The following ATP7B variants were observed in gnomAD, a reference collection of about 807,000 sequenced individuals.
The protein encoded by ATP7B is copper-transporting ATPase 2.
In ATP7B, 113 loss-of-function variants were observed where a neutral mutation model predicts 118.9. The observed-to-expected ratio is 0.95, with a 90% CI of 0.82 to 1.11. The LOEUF is 1.11. Ranked by LOEUF, ATP7B falls within the 50% of genes most tolerant of loss-of-function variation. ATP7B has a pLI of 0.00. For missense variants in ATP7B, 1,867 were observed against 1,871.4 expected (o/e 1.00, Z 0.04); for synonymous variants, 777 against 727.4 (o/e 1.07, Z -1.10).
At position 51,946,257 on chromosome 13, in the gene ATP7B, A is replaced by G. The variant is rs1314173616; in HGVS notation, c.3060+27T>C. ...ACAGATACTACTTTCATCTCTCAGG[A>G]TGGGGAAAGCCGTGCTACAGGCTGA... On this transcript the variant is annotated intron_variant, in intron 13 of 20. Transcript: ENST00000242839. The G allele has an allele frequency of 1.9e-6, 3 of 1,556,274 alleles. No homozygotes were observed. The East Asian group carries it at 7.2e-5, about 37-fold the overall frequency.
chr13:51,974,170 C>A lies in ATP7B; in HGVS notation c.1050G>T (p.Pro350=). 1 of 1,613,986 alleles carries A rather than the reference C, an allele frequency of 6.2e-7. No individual in the cohort carries two copies. The highest frequency in any genetic ancestry group is 1.1e-5 in the South Asian group (1 of 91,070). ...SSSSHSPGSP[P]RNQVQGTCST... is the part of the protein sequence containing the mutation. ...TGCATGTGCCCTGGACCTGGTTTCT[C>A]GGTGGGGAGCCAGGGGAATGAGAAC... The change falls in exon 2 of 21, where the codon CCG becomes CCT. Residue 350 remains proline, a synonymous_variant. Coordinates refer to ENST00000242839, the MANE Select transcript of ATP7B (RefSeq NM_000053.4).
upstream of ATP7B, chr13:52,011,537 C>A: frequency 1.5e-6 from 1 of 676,980 alleles, no homozygotes; most frequent in South Asian, 1.7e-5. Context: ...GCCCTCTTCA[C>A]ACGGATGATT....
rs547782629 is a variant in ATP7B, at chr13:51,952,876, T to C, written c.2448-2477A>G. 5.9e-5 allele frequency among the ~76,000 whole-genome samples: 9 copies of C among 152,296 alleles called. No individual in the cohort carries two copies. The South Asian group carries it at 1.7e-3, about 28-fold the overall frequency. On this transcript the variant is annotated intron_variant, in intron 9 of 20. Transcript: ENST00000242839. Reference sequence around the variant, plus strand: ...TTATCACCTAATTGACATTTTCATATTGATTGGCCTCTTGTGTACCAGGCA... The same window carrying C: ...TTATCACCTAATTGACATTTTCATACTGATTGGCCTCTTGTGTACCAGGCA...
Position 51,974,231 on chromosome 13 carries a change from C to G in ATP7B, c.989G>C (p.Gly330Ala). Residue 330 changes from glycine to alanine, a missense_variant, in exon 2 of 21, where the codon GGA (glycine) becomes GCA (alanine). Coordinates refer to ENST00000242839, the MANE Select transcript of ATP7B (RefSeq NM_000053.4). The stretch of plus-strand genomic sequence containing the variant: ...GTGATCTGTCCCACTCCCTTCGGCT[C>G]CATCAGGAAGAGAAACTTTAAAATT... ...PGNFKVSLPD[G>A]AEGSGTDHRS... 1 of 1,614,004 alleles carries G rather than the reference C, an allele frequency of 6.2e-7. No individual in the cohort carries two copies. The highest frequency in any genetic ancestry group is 1.1e-5 in the South Asian group (1 of 91,066).
At chr13:51,980,101 C>G (rs567378017) in intron 1 of ATP7B, among the ~76,000 whole-genome samples, 1 of 152,300 alleles carries the variant, frequency 6.6e-6, no homozygotes, top group African/African-American at 2.4e-5. Context: ...GGAAAAAACT[C>G]TCCTGATGAG....
chr13:51,955,986 T>C (rs1006654492), intron 9 of ATP7B, among the ~76,000 whole-genome samples: 1 of 152,182 alleles, frequency 6.6e-6, no homozygotes, highest in Non-Finnish European at 1.5e-5. Context: ...TCCACCTCAC[T>C]GCACTTGGCT....
intron 1 of ATP7B, among the ~76,000 whole-genome samples, chr13:51,977,264 A>G (rs1202786510): frequency 6.6e-6 from 1 of 151,706 alleles, no homozygotes; most frequent in African/African-American, 2.4e-5. Context: ...CTCTTTTGTA[A>G]TAACACTTAG....
At chr13:52,011,211 A>G in intron 1 of ATP7B, 76 bp downstream of exon 1, 2 of 1,610,486 alleles carry the variant, frequency 1.2e-6, no homozygotes, top group Non-Finnish European at 1.7e-6. Flanking sequence ...GGGGGCGAGT[A>G]AGCGCCGAAC....
intron 1 of ATP7B, among the ~76,000 whole-genome samples, chr13:51,996,805 T>C (rs967118811): frequency 6.6e-6 from 1 of 152,338 alleles, no homozygotes; most frequent in Admixed American, 6.5e-5. Flanking sequence ...CTTACCACAC[T>C]TGTGGCGGTT....
At position 51,934,240 on chromosome 13, in the gene ATP7B, T is replaced by A. The variant is rs976085918; in HGVS notation, c.*516A>T. ...CACACAGGAGAGAAAAGGAACAGAC[T>A]ATGTACGAAGAAAGGAACAGACTAT... On this transcript the variant is annotated 3_prime_UTR_variant, in exon 21 of 21. Coordinates refer to ENST00000242839, the MANE Select transcript of ATP7B (RefSeq NM_000053.4). The A allele has an allele frequency of 1.3e-5, 3 of 230,706 alleles. No homozygotes were observed. The East Asian group carries it at 3.0e-4, about 23-fold the overall frequency. 14.3% of individuals were successfully genotyped at this position (230,706 alleles called of 1,614,324 possible).
chr13:51,957,536 A>G lies in ATP7B; in HGVS notation c.2427T>C (p.Gly809=), dbSNP rs775254924. The change falls in exon 9 of 21, where the codon GGT becomes GGC. Residue 809 remains glycine (G), a synonymous_variant. Transcript: ENST00000242839. The part of the protein sequence containing the change: ...QATEATVVTL[G]EDNLIIREEQ... ...CTCACCTGATGATTAAATTGTCCTC[A>G]CCAAGGGTCACAACGGTGGCTTCTG... 4 of 1,614,102 alleles carry G rather than the reference A, an allele frequency of 2.5e-6. 1 individual carries two copies. The South Asian group carries it at 4.4e-5, about 18-fold the overall frequency.
intron 1 of ATP7B, among the ~76,000 whole-genome samples, chr13:52,000,906 G>C (rs953351814): frequency 3.9e-5 from 6 of 152,196 alleles, no homozygotes; most frequent in African/African-American, 1.2e-4. Context: ...TGTAGTCCCA[G>C]CTACTCAGAA....
At chr13:51,958,749 T>TG in intron 7 of ATP7B, 1 of 607,774 alleles carries the variant, frequency 1.6e-6, no homozygotes, top group Non-Finnish European at 2.9e-6. Flanking sequence ...CAAGAGCATG[T>TG]GAGACCTTTA....
At position 51,950,368 on chromosome 13, in the gene ATP7B, G is replaced by A. The variant is rs539585071; in HGVS notation, c.2479C>T (p.Arg827Trp). The A allele has an allele frequency of 2.6e-5, 42 of 1,614,072 alleles. No individual in the cohort carries two copies. The highest frequency in any genetic ancestry group is 1.7e-4 in the Middle Eastern group (1 of 6,044). Residue 827 changes from arginine to tryptophan, a missense_variant, in exon 10 of 21, where the codon CGG (arginine) becomes TGG (tryptophan). Arg to Trp is a moderately radical substitution (Grantham distance 101). Transcript: ENST00000242839. ...GGGACCACCTTGACGATATCGCCCC[G>A]CTGCACCAGCTCCATGGGGACTTGC... ...EEQVPMELVQRGDIVKVVPGG... is the reference protein window; with the variant it reads ...EEQVPMELVQWGDIVKVVPGG...
At chr13:51,996,091 C>T (rs924379121) in intron 1 of ATP7B, among the ~76,000 whole-genome samples, 3 of 152,154 alleles carry the variant, frequency 2.0e-5, no homozygotes. Flanking sequence ...GTGCAGAATA[C>T]TTGGTGAGAG....
chr13:52,012,026 A>G (rs1954055380), upstream of ATP7B: 1 of 377,052 alleles, frequency 2.7e-6, no homozygotes, highest in African/African-American at 2.1e-5. Flanking sequence ...GCACCTGGAA[A>G]ATCGATCCGC....
At position 51,958,453 on chromosome 13, in the gene ATP7B, C is replaced by T. The variant is rs1482473585; in HGVS notation, c.2213G>A (p.Ser738Asn). The change falls in exon 8 of 21, where the codon AGC (serine) becomes AAC (asparagine). Residue 738 changes from serine (S) to asparagine (N), a missense_variant. Transcript: ENST00000242839. The part of the protein sequence containing the change: ...NMDVLIVLAT[S>N]IAYVYSLVIL... ...GACCAGAGAATAAACATAAGCAATG[C>T]TTGTGGCCAGGACGATGAGCACGTC... is the stretch of plus-strand genomic sequence containing the variant. 1.9e-6 allele frequency: 3 copies of T among 1,614,100 alleles called. No individual in the cohort carries two copies. Among genetic ancestry groups the T allele is most frequent in the African/African-American group, 1.3e-5 (1 of 74,928 alleles).
intron 11 of ATP7B, 32 bp downstream of exon 11, chr13:51,949,975 G>T (rs542553944): frequency 6.2e-7 from 1 of 1,614,088 alleles, no homozygotes; most frequent in Admixed American, 1.7e-5. Flanking sequence ...AAACGAGAAA[G>T]ATGAAGTTAG....
At chr13:52,010,817 G>A (rs1023927648) in intron 1 of ATP7B, among the ~76,000 whole-genome samples, 3 of 152,202 alleles carry the variant, frequency 2.0e-5, no homozygotes, top group African/African-American at 7.2e-5. Context: ...TCTGCTTTTT[G>A]TGCAAAATAT....
Sources: gnomAD v4.1 joint callset for allele counts (sites outside exome capture counted in the v4.1 genomes callset) on GRCh38, gnomAD v4.1.1 for gene constraint, MANE v1.5 for transcripts, NCBI Gene and HGNC (gene_info 2026-07-23, HGNC 2026-07-21) for gene names.